The following ANK3 variants were observed in gnomAD, a reference collection of about 807,000 sequenced individuals.
ANK3 encodes the protein ankyrin 3.
A neutral mutation model predicts 370.9 loss-of-function variants in ANK3; 57 were observed. That is an observed-to-expected ratio of 0.15 (90% CI 0.12 to 0.19). ANK3 has a LOEUF of 0.19. Among genes scored for constraint, ANK3 ranks in the 10% least tolerant of loss-of-function variants. ANK3 has a pLI of 1.00. For missense variants in ANK3, 4,439 were observed against 5,302.1 expected (o/e 0.84, Z 5.06); for synonymous variants, 1,929 against 1,946.3 (o/e 0.99, Z 0.23).
At position 60,188,589 on chromosome 10, in the gene ANK3, C is replaced by G. The variant is rs974831570; in HGVS notation, c.1888-1677G>C. 8.5e-5 allele frequency among the ~76,000 whole-genome samples: 13 copies of G among 152,266 alleles called. No homozygotes were observed. In the East Asian group the frequency reaches 1.9e-3, roughly 23 times the overall value. On this transcript the variant is annotated intron_variant, in intron 16 of 43. Coordinates refer to ENST00000280772, the MANE Select transcript of ANK3 (RefSeq NM_020987.5). ...TTTTGAGGGGCTGCTGCACCCAGTACTCAGCCATCCTGCTGCAATGAACCT... is the reference window on the plus strand; with the variant it reads ...TTTTGAGGGGCTGCTGCACCCAGTAGTCAGCCATCCTGCTGCAATGAACCT...
chr10:60,431,632 C>G (rs533444737), intron 2 of ANK3, among the ~76,000 whole-genome samples: 1 of 152,174 alleles, frequency 6.6e-6, no homozygotes, highest in African/African-American at 2.4e-5. Context: ...GAACATCACA[C>G]ACTGAGGCCT....
At chr10:60,355,184 C>T (rs2057533470) in intron 1 of ANK3, among the ~76,000 whole-genome samples, 1 of 152,120 alleles carries the variant, frequency 6.6e-6, no homozygotes, top group Non-Finnish European at 1.5e-5. Context: ...ATCTGTATTG[C>T]TAATTTTTTC....
chr10:60,229,486 T>C (rs939614722), intron 8 of ANK3, among the ~76,000 whole-genome samples: 3 of 152,216 alleles, frequency 2.0e-5, no homozygotes, highest in Non-Finnish European at 4.4e-5. Context: ...ATAATTCTTT[T>C]TTCTTAGTAT....
chr10:60,552,414 C>A (rs1202811893), intron 2 of ANK3, among the ~76,000 whole-genome samples: 2 of 152,126 alleles, frequency 1.3e-5, no homozygotes, highest in African/African-American at 4.8e-5. Context: ...CAACAAAATA[C>A]TTTTATTACA....
intron 5 of ANK3, 32 bp from the exon 6 acceptor site, chr10:60,264,052 C>A: frequency 6.4e-7 from 1 of 1,551,082 alleles, no homozygotes; most frequent in Non-Finnish European, 8.8e-7. Flanking sequence ...AAGATGGGCT[C>A]CAATGAATAT....
chr10:60,555,049 G>T (rs551255816), intron 2 of ANK3, among the ~76,000 whole-genome samples: 2 of 152,156 alleles, frequency 1.3e-5, no homozygotes, highest in South Asian at 2.1e-4. Flanking sequence ...GAAGCAGGCT[G>T]GGAATAAGAG....
chr10:60,417,985 C>T (rs1030322056), intron 2 of ANK3, among the ~76,000 whole-genome samples: 1 of 151,022 alleles, frequency 6.6e-6, no homozygotes, highest in African/African-American at 2.4e-5. Flanking sequence ...AGAAAAGTTA[C>T]CACCTACTAT....
intron 23 of ANK3, chr10:60,144,163 G>A (rs1431890597): frequency 4.6e-6 from 2 of 431,702 alleles, no homozygotes; most frequent in Non-Finnish European, 9.2e-6. Flanking sequence ...CAGAACCAAG[G>A]TAGATAATAA....
At chr10:60,177,632 C>G (rs925902349) in intron 18 of ANK3, among the ~76,000 whole-genome samples, 5 of 127,442 alleles carry the variant, frequency 3.9e-5, no homozygotes, top group African/African-American at 1.4e-4. Flanking sequence ...GAGTCTCGCT[C>G]TGTCGCCCAG....
intron 1 of ANK3, among the ~76,000 whole-genome samples, chr10:60,323,357 A>G (rs2049090991): frequency 6.6e-6 from 1 of 152,218 alleles, no homozygotes; most frequent in African/African-American, 2.4e-5. Flanking sequence ...TACACAGGCC[A>G]AGTAGGCTGA....
intron 1 of ANK3, among the ~76,000 whole-genome samples, chr10:60,720,601 T>G (rs1179584442): frequency 1.3e-5 from 2 of 152,204 alleles, no homozygotes; most frequent in African/African-American, 4.8e-5. Flanking sequence ...TATAAGTATC[T>G]TTGAAGGTTT....
Position 60,710,359 on chromosome 10 carries a change from A to G in ANK3, c.57+22904T>C, listed in dbSNP as rs113462145. 2.5e-3 allele frequency among the ~76,000 whole-genome samples: 376 copies of G among 152,262 alleles called. 1 individual carries two copies. The highest frequency in any genetic ancestry group is 8.8e-3 in the African/African-American group (364 of 41,548). On this transcript the variant is annotated intron_variant, in intron 1 of 43. Transcript: ENST00000373827. ...AGTTAGGATTTAATACTGCATCTTT[A>G]CAGTTGTTTACCTTTCTCTCAAGCG... is the stretch of plus-strand genomic sequence containing the variant.
At chr10:60,214,348 ATTAC>A (rs1399127755) in intron 8 of ANK3, among the ~76,000 whole-genome samples, 2 of 152,160 alleles carry the variant, frequency 1.3e-5, no homozygotes, top group African/African-American at 4.8e-5. Flanking sequence ...CATGTGAAAA[ATTAC>A]TTAATGATCT....
At chr10:60,498,090 A>G (rs2075705622) in intron 2 of ANK3, among the ~76,000 whole-genome samples, 1 of 152,158 alleles carries the variant, frequency 6.6e-6, no homozygotes, top group Admixed American at 6.5e-5. Flanking sequence ...TTTTTCTAAA[A>G]GCCTTCCTTC....
intron 9 of ANK3, among the ~76,000 whole-genome samples, chr10:60,212,639 G>C (rs2096874832): frequency 6.6e-6 from 1 of 152,092 alleles, no homozygotes; most frequent in South Asian, 2.1e-4. Context: ...ACCCTGTCTA[G>C]CCTTCCTAAT....
At chr10:60,253,807 G>T (rs2097699701) in intron 7 of ANK3, among the ~76,000 whole-genome samples, 1 of 152,136 alleles carries the variant, frequency 6.6e-6, no homozygotes, top group Admixed American at 6.5e-5. Flanking sequence ...ATGCTGTTGA[G>T]CCTATACTAG....
intron 2 of ANK3, among the ~76,000 whole-genome samples, chr10:60,457,620 C>A (rs1037443381): frequency 2.6e-5 from 4 of 152,096 alleles, no homozygotes; most frequent in African/African-American, 9.7e-5. Context: ...TCATCAGTGT[C>A]TCCTTAGAGT....
At chr10:60,381,650 C>T (rs569685139) in intron 1 of ANK3, among the ~76,000 whole-genome samples, 16 of 152,288 alleles carry the variant, frequency 1.1e-4, no homozygotes, top group African/African-American at 3.9e-4. Flanking sequence ...CCCTCAATGA[C>T]ATTTAAGAAC....
chr10:60,139,843 G>A (rs1358484979), intron 23 of ANK3: 1 of 155,666 alleles, frequency 6.4e-6, no homozygotes, highest in East Asian at 1.9e-4. Flanking sequence ...TGCAAAACAT[G>A]ACATCATATG....
Sources: gnomAD v4.1 joint callset for allele counts (sites outside exome capture counted in the v4.1 genomes callset) on GRCh38, gnomAD v4.1.1 for gene constraint, MANE v1.5 for transcripts, NCBI Gene and HGNC (gene_info 2026-07-23, HGNC 2026-07-21) for gene names.